SLIT1: variants seen among roughly 807,000 people sequenced by gnomAD.
The protein encoded by SLIT1 is slit homolog 1 protein.
A neutral mutation model predicts 186.1 loss-of-function variants in SLIT1; 66 were observed. That is an observed-to-expected ratio of 0.35 (90% CI 0.29 to 0.44). The LOEUF (loss-of-function observed/expected upper bound fraction) is 0.44. SLIT1 is among the 20% of genes least tolerant of loss of function. The probability of loss-of-function intolerance (pLI) is 1.00; values close to 1 mark genes in which losing one functional copy is unlikely to be tolerated. For missense variants in SLIT1, 1,638 were observed against 2,037.4 expected (o/e 0.80, Z 3.77); for synonymous variants, 761 against 833.8 (o/e 0.91, Z 1.50).
Position 97,002,790 on chromosome 10 carries a change from G to T in SLIT1, c.4068C>A (p.Ala1356=). The change falls in exon 35 of 37, where the codon GCC becomes GCA. Residue 1356 remains alanine, a synonymous_variant. Coordinates refer to ENST00000266058, the MANE Select transcript of SLIT1 (RefSeq NM_003061.3). ...YCLHGICQPN[A]TPGPMCHCEA... ...CGCAGTGGCACATGGGCCCTGGGGT[G>T]GCATTGGGCTGGCAGATGCCATGCA... 6.2e-7 allele frequency: 1 copy of T among 1,613,968 alleles called. No homozygotes were observed. Among genetic ancestry groups the T allele is most frequent in the Non-Finnish European group, 8.5e-7 (1 of 1,179,932 alleles).
intron 30 of SLIT1, among the ~76,000 whole-genome samples, chr10:97,012,982 C>T (rs1347758369): frequency 6.6e-6 from 1 of 152,216 alleles, no homozygotes; most frequent in Non-Finnish European, 1.5e-5. Context: ...ATAAAGCAGT[C>T]TTCAAGTAAC....
intron 4 of SLIT1, among the ~76,000 whole-genome samples, chr10:97,128,701 C>T (rs1038781733): frequency 6.6e-6 from 1 of 152,174 alleles, no homozygotes; most frequent in South Asian, 2.1e-4. Flanking sequence ...CAGCTGGAAT[C>T]GTGACTGAGG....
intron 4 of SLIT1, among the ~76,000 whole-genome samples, chr10:97,123,481 C>G (rs115664959): frequency 6.6e-6 from 1 of 152,152 alleles, no homozygotes; most frequent in Non-Finnish European, 1.5e-5. Flanking sequence ...AAGCCCAATG[C>G]TAGGCAAATT....
chr10:97,157,945 C>A, intron 3 of SLIT1, 56 bp from the exon 4 acceptor site: 1 of 1,320,814 alleles, frequency 7.6e-7, no homozygotes, highest in South Asian at 1.2e-5. Flanking sequence ...ATCCAAAGGA[C>A]TTCTCAGAAA....
chr10:97,149,146 C>G (rs924952962), intron 4 of SLIT1, among the ~76,000 whole-genome samples: 1 of 152,228 alleles, frequency 6.6e-6, no homozygotes, highest in African/African-American at 2.4e-5. Context: ...GGATTCAAAG[C>G]CCACAGCCAG....
chr10:97,073,011 GT>G (rs1564667980), intron 4 of SLIT1, among the ~76,000 whole-genome samples: 1 of 152,228 alleles, frequency 6.6e-6, no homozygotes, highest in Non-Finnish European at 1.5e-5. Flanking sequence ...CTAAGGCTCT[GT>G]TGTTTCAAGC....
At chr10:97,077,957 ATAAT>A (rs1849060885) in intron 4 of SLIT1, among the ~76,000 whole-genome samples, 1 of 152,098 alleles carries the variant, frequency 6.6e-6, no homozygotes, top group Non-Finnish European at 1.5e-5. Flanking sequence ...ATGTTTTTAA[ATAAT>A]TAGCCAGGTG....
chr10:97,041,337 GC>G (rs1426444746), intron 20 of SLIT1, among the ~76,000 whole-genome samples: 3 of 151,778 alleles, frequency 2.0e-5, no homozygotes, highest in Non-Finnish European at 4.4e-5. Flanking sequence ...TTCACAGGTG[GC>G]CCTGCAAGAT....
intron 4 of SLIT1, among the ~76,000 whole-genome samples, chr10:97,145,594 A>G (rs1314676099): frequency 6.6e-6 from 1 of 152,208 alleles, no homozygotes; most frequent in East Asian, 1.9e-4. Context: ...CAGGCCACTC[A>G]TCAGCTCCAA....
rs1035368157 is a variant in SLIT1 at position 97,163,411 on chromosome 10, C to T, written c.310G>A (p.Ala104Thr). The change falls in exon 3 of 37, where the codon GCT (alanine) becomes ACT (threonine). Residue 104 changes from alanine to threonine, a missense_variant. Ala to Thr is a moderately conservative substitution (Grantham distance 58). Coordinates refer to ENST00000266058, the MANE Select transcript of SLIT1 (RefSeq NM_003061.3). ...TCCAGCTCCTTCATGTCATCAAAAG[C>T]ACCACGTTCCACTGCTCCAATCTGG... ...ENQIGAVERGAFDDMKELERL... is the reference protein window; with the variant it reads ...ENQIGAVERGTFDDMKELERL... 1 of 1,614,088 alleles carries T rather than the reference C, an allele frequency of 6.2e-7. No individual in the cohort carries two copies. Among genetic ancestry groups the T allele is most frequent in the African/African-American group, 1.3e-5 (1 of 74,938 alleles).
chr10:97,047,342 C>A (rs1289099511), intron 16 of SLIT1, among the ~76,000 whole-genome samples: 1 of 152,226 alleles, frequency 6.6e-6, no homozygotes, highest in Non-Finnish European at 1.5e-5. Flanking sequence ...TACACAAATT[C>A]ATATTTTTAG....
intron 5 of SLIT1, chr10:97,065,609 A>T (rs2134641273): frequency 5.4e-6 from 1 of 184,506 alleles, no homozygotes; most frequent in East Asian, 1.3e-4. Context: ...AGAACAATAT[A>T]TCGAGGCTCA....
intron 4 of SLIT1, among the ~76,000 whole-genome samples, chr10:97,124,168 T>C (rs958960115): frequency 1.3e-5 from 2 of 152,212 alleles, no homozygotes; most frequent in African/African-American, 4.8e-5. Context: ...CATAACCTTA[T>C]AAATTTTTAA....
intron 30 of SLIT1, among the ~76,000 whole-genome samples, chr10:97,012,565 G>A (rs577008461): frequency 3.3e-5 from 5 of 152,308 alleles, no homozygotes; most frequent in Admixed American, 6.5e-5. Context: ...GCTGGACAAC[G>A]TGCAGTCCTG....
chr10:97,159,263 C>T (rs1255609492), intron 3 of SLIT1, among the ~76,000 whole-genome samples: 1 of 152,170 alleles, frequency 6.6e-6, no homozygotes, highest in Non-Finnish European at 1.5e-5. Context: ...AGGCCATTGC[C>T]ACCACATTGG....
At chr10:97,052,978 C>T (rs1848804696) in intron 13 of SLIT1, among the ~76,000 whole-genome samples, 1 of 152,066 alleles carries the variant, frequency 6.6e-6, no homozygotes, top group African/African-American at 2.4e-5. Flanking sequence ...AGAAAAAGCA[C>T]AATTAAAGGG....
At chr10:97,157,711 GT>G (rs1216566687) in intron 4 of SLIT1, 106 bp downstream of exon 4, 2 of 836,694 alleles carry the variant, frequency 2.4e-6, no homozygotes, top group Non-Finnish European at 4.1e-6. Context: ...GGAGCACAGG[GT>G]CAGGGTCATG....
At chr10:97,016,881 C>A (rs1449942109) in intron 28 of SLIT1, among the ~76,000 whole-genome samples, 1 of 152,090 alleles carries the variant, frequency 6.6e-6, no homozygotes, top group Non-Finnish European at 1.5e-5. Context: ...AACTGTTTTC[C>A]CTGAAGGCTG....
chr10:97,140,924 G>A (rs1030896112), intron 4 of SLIT1, among the ~76,000 whole-genome samples: 1 of 152,142 alleles, frequency 6.6e-6, no homozygotes, highest in African/African-American at 2.4e-5. Context: ...TTGCTAGAGG[G>A]GATGGCTTCC....
Sources: allele counts gnomAD v4.1 joint callset (sites outside exome capture counted in the v4.1 genomes callset), GRCh38; gene constraint gnomAD v4.1.1; transcripts MANE v1.5; gene names NCBI Gene and HGNC (gene_info 2026-07-23, HGNC 2026-07-21).